PDE11A: variants seen among roughly 807,000 people sequenced by gnomAD.
PDE11A encodes phosphodiesterase 11A, also known as dual 3',5'-cyclic-AMP and -GMP phosphodiesterase 11A.
Under a neutral mutation model 100.5 loss-of-function variants are expected in PDE11A, and 100 were observed. The ratio of observed to expected loss-of-function variants is 1.00; its 90% CI spans 0.85 to 1.18. The LOEUF is 1.18. Ranked by LOEUF, PDE11A falls within the 50% of genes most tolerant of loss-of-function variation. The pLI, the probability that PDE11A is intolerant of heterozygous loss-of-function variation, is 0.00. For missense variants in PDE11A, 1,141 were observed against 1,152.6 expected (o/e 0.99, Z 0.15); for synonymous variants, 381 against 420.8 (o/e 0.91, Z 1.16).
intron 2 of PDE11A, among the ~76,000 whole-genome samples, chr2:177,941,612 G>A (rs2105773189): frequency 6.6e-6 from 1 of 152,224 alleles, no homozygotes; most frequent in Non-Finnish European, 1.5e-5. Flanking sequence ...CAGGCAAACG[G>A]GGTTCTGGAA....
chr2:177,830,601 A>AAATAAT (rs56365605), intron 6 of PDE11A, among the ~76,000 whole-genome samples: 1,736 of 139,996 alleles, frequency 0.012, 43 homozygotes, highest in African/African-American at 0.042. Flanking sequence ...ACTCCATCTC[A>AAATAAT]AATAATAATA....
chr2:177,980,984 ACACACAC>A (rs2085874095), intron 2 of PDE11A, among the ~76,000 whole-genome samples: 1 of 65,004 alleles, frequency 1.5e-5, no homozygotes, highest in African/African-American at 1.4e-4. Flanking sequence ...ATACACACAC[ACACACAC>A]ACACACACAC....
At chr2:178,076,145 A>T (rs2087205772), upstream of PDE11A, among the ~76,000 whole-genome samples, 1 of 152,180 alleles carries the variant, frequency 6.6e-6, no homozygotes. Flanking sequence ...TACTGTGAAG[A>T]TAGATCACTC....
chr2:177,790,780 G>GA (rs1469732325), intron 9 of PDE11A, among the ~76,000 whole-genome samples: 10 of 152,212 alleles, frequency 6.6e-5, no homozygotes, highest in Admixed American at 5.2e-4. Context: ...AAAGACGCAT[G>GA]AAAAAATGCT....
chr2:177,818,495 G>A (rs1279668895), intron 7 of PDE11A, among the ~76,000 whole-genome samples: 1 of 151,828 alleles, frequency 6.6e-6, no homozygotes, highest in Non-Finnish European at 1.5e-5. Flanking sequence ...TCTGTAAAAT[G>A]GGGATTAAAA....
At chr2:177,885,047 G>A (rs2084406265) in intron 4 of PDE11A, among the ~76,000 whole-genome samples, 1 of 152,058 alleles carries the variant, frequency 6.6e-6, no homozygotes, top group Non-Finnish European at 1.5e-5. Flanking sequence ...TAGGGGTTCA[G>A]TAGTTGAAGA....
chr2:177,741,874 GAAAA>G, intron 10 of PDE11A, among the ~76,000 whole-genome samples: 1 of 151,940 alleles, frequency 6.6e-6, no homozygotes, highest in African/African-American at 2.4e-5. Context: ...TATCTGTACA[GAAAA>G]AAAATTAGCC....
chr2:177,641,208 C>T (rs2080136722), intron 19 of PDE11A, among the ~76,000 whole-genome samples: 1 of 152,078 alleles, frequency 6.6e-6, no homozygotes, highest in Non-Finnish European at 1.5e-5. Context: ...CCAAATCCCT[C>T]AATGTGGCCT....
intron 9 of PDE11A, among the ~76,000 whole-genome samples, chr2:177,772,306 T>C (rs1473805019): frequency 1.3e-5 from 2 of 152,180 alleles, no homozygotes; most frequent in African/African-American, 2.4e-5. Flanking sequence ...GCCTGTACTT[T>C]ACAGAGTTCT....
intron 1 of PDE11A, among the ~76,000 whole-genome samples, chr2:178,033,715 T>A (rs1181142300): frequency 1.3e-5 from 2 of 152,122 alleles, no homozygotes; most frequent in East Asian, 3.9e-4. Context: ...GCAGAAACCC[T>A]ACAAGCCAGA....
intron 2 of PDE11A, among the ~76,000 whole-genome samples, chr2:177,991,763 C>T (rs1338076028): frequency 6.7e-6 from 1 of 148,684 alleles, no homozygotes; most frequent in Non-Finnish European, 1.5e-5. Context: ...TAGAATTCTT[C>T]TAGATTTTTA....
chr2:177,951,408 A>G (rs1172772382), intron 2 of PDE11A, among the ~76,000 whole-genome samples: 2 of 152,194 alleles, frequency 1.3e-5, no homozygotes, highest in Admixed American at 1.3e-4. Flanking sequence ...ATGGAATTCA[A>G]TGACACAAAA....
At chr2:177,928,121 A>T in intron 2 of PDE11A, among the ~76,000 whole-genome samples, 1 of 151,534 alleles carries the variant, frequency 6.6e-6, no homozygotes, top group Admixed American at 6.6e-5. Flanking sequence ...AAAAAAAAAA[A>T]AAAAAGCCAT....
At chr2:177,963,205 G>A (rs938576298) in intron 2 of PDE11A, among the ~76,000 whole-genome samples, 1 of 152,070 alleles carries the variant, frequency 6.6e-6, no homozygotes, top group Non-Finnish European at 1.5e-5. Flanking sequence ...AATTTATAAA[G>A]GTTCCTACTC....
intron 2 of PDE11A, among the ~76,000 whole-genome samples, chr2:177,934,101 C>G (rs1172520771): frequency 1.3e-5 from 2 of 152,060 alleles, no homozygotes; most frequent in East Asian, 3.8e-4. Context: ...TTTTCAAAAG[C>G]AATTACAATA....
chr2:177,869,016 C>G (rs1389630263), intron 5 of PDE11A, among the ~76,000 whole-genome samples: 1 of 152,226 alleles, frequency 6.6e-6, no homozygotes, highest in Non-Finnish European at 1.5e-5. Context: ...ACTCATTCAT[C>G]AGCTCACCTG....
chr2:177,701,213 T>C lies in PDE11A; in HGVS notation c.2154-2A>G, dbSNP rs534761010. ...AGTTGGGCCAGGGCAGAGCCACTCC[T>C]GAAAGAGGACAGAGGGTGAGTGAGC... On this transcript the variant is annotated splice_acceptor_variant, in intron 13 of 19. Coordinates refer to ENST00000286063, the MANE Select transcript of PDE11A (RefSeq NM_016953.4). LOFTEE classifies it high-confidence loss of function. 9.3e-6 allele frequency: 14 copies of C among 1,498,910 alleles called. No individual in the cohort carries two copies. The East Asian group carries it at 3.2e-4, about 34-fold the overall frequency. The allele number at this position is 1,498,910 out of a possible 1,614,324, so 92.9% of individuals were successfully genotyped here.
At chr2:178,098,620 T>G (rs2087523906) in intron 2 of PDE11A, among the ~76,000 whole-genome samples, 1 of 152,116 alleles carries the variant, frequency 6.6e-6, no homozygotes, top group Non-Finnish European at 1.5e-5. Context: ...ACTATCAAAA[T>G]TGTCAAAAAG....
chr2:178,055,281 G>A (rs1357971597), intron 1 of PDE11A, among the ~76,000 whole-genome samples: 3 of 151,436 alleles, frequency 2.0e-5, no homozygotes, highest in African/African-American at 7.3e-5. Context: ...CTCACTTATA[G>A]GTGGGAACTG....
Sources: gnomAD v4.1 joint callset for allele counts (sites outside exome capture counted in the v4.1 genomes callset) on GRCh38, gnomAD v4.1.1 for gene constraint, MANE v1.5 for transcripts, NCBI Gene and HGNC (gene_info 2026-07-23, HGNC 2026-07-21) for gene names.